Variants in LRBA observed in about 807,000 individuals in gnomAD.
LRBA encodes the protein LPS responsive beige-like anchor protein, also known as lipopolysaccharide-responsive and beige-like anchor protein.
In LRBA, 176 loss-of-function variants were observed where a neutral mutation model predicts 330.0. The ratio of observed to expected loss-of-function variants is 0.53; its 90% CI spans 0.47 to 0.60. The LOEUF is 0.60. Ranked by LOEUF, LRBA falls within the 20% of genes least tolerant of loss-of-function variation. LRBA has a pLI of 0.00. For missense variants in LRBA, 3,259 were observed against 3,444.8 expected (o/e 0.95, Z 1.35); for synonymous variants, 1,230 against 1,193.0 (o/e 1.03, Z -0.64).
intron 49 of LRBA, among the ~76,000 whole-genome samples, chr4:150,324,592 G>A (rs1732989372): frequency 6.6e-6 from 1 of 151,106 alleles, no homozygotes; most frequent in African/African-American, 2.5e-5. Flanking sequence ...AGAAGGTGAT[G>A]TGGGAAGAGA....
intron 36 of LRBA, among the ~76,000 whole-genome samples, chr4:150,701,751 G>C (rs1038353301): frequency 3.9e-5 from 6 of 152,172 alleles, no homozygotes; most frequent in Non-Finnish European, 8.8e-5. Context: ...ACTGGAATGA[G>C]AATTGACATT....
intron 41 of LRBA, among the ~76,000 whole-genome samples, chr4:150,490,145 T>C (rs941537672): frequency 3.3e-5 from 5 of 151,694 alleles, no homozygotes; most frequent in African/African-American, 1.2e-4. Context: ...AAAAATCTTT[T>C]CCTAAAGAAA....
At chr4:150,796,480 T>G (rs1740807968) in intron 34 of LRBA, among the ~76,000 whole-genome samples, 1 of 151,966 alleles carries the variant, frequency 6.6e-6, no homozygotes. Flanking sequence ...TACCCAATAA[T>G]GTATTTTATT....
intron 44 of LRBA, among the ~76,000 whole-genome samples, chr4:150,446,290 G>C (rs1043632325): frequency 6.6e-6 from 1 of 152,146 alleles, no homozygotes; most frequent in African/African-American, 2.4e-5. Flanking sequence ...TATCAAACAA[G>C]GAGATAAAAT....
chr4:150,469,250 A>T (rs1381738949), intron 43 of LRBA, among the ~76,000 whole-genome samples: 2 of 152,160 alleles, frequency 1.3e-5, no homozygotes, highest in African/African-American at 4.8e-5. Flanking sequence ...GAAATGCATC[A>T]TGATATCATG....
chr4:150,800,873 G>A (rs1741514336), intron 33 of LRBA, among the ~76,000 whole-genome samples: 1 of 152,150 alleles, frequency 6.6e-6, no homozygotes, highest in Non-Finnish European at 1.5e-5. Flanking sequence ...CAAGCCAAGA[G>A]TTTTATATCT....
intron 17 of LRBA, among the ~76,000 whole-genome samples, chr4:150,887,784 A>C (rs1729102133): frequency 6.7e-6 from 1 of 149,032 alleles, no homozygotes; most frequent in East Asian, 1.9e-4. Context: ...AAAAAAAAAA[A>C]AAGAAAGAAA....
chr4:150,760,066 T>C (rs1734864467), intron 35 of LRBA, among the ~76,000 whole-genome samples: 1 of 152,166 alleles, frequency 6.6e-6, no homozygotes, highest in Non-Finnish European at 1.5e-5. Flanking sequence ...TTATAAAAAA[T>C]CTGTTCATGG....
At chr4:150,723,224 T>C (rs137991830) in intron 36 of LRBA, among the ~76,000 whole-genome samples, 33 of 152,284 alleles carry the variant, frequency 2.2e-4, no homozygotes, top group African/African-American at 7.7e-4. Context: ...CCAGCTTGCG[T>C]GGCTAAGGAA....
At chr4:150,604,588 A>T (rs1259352938) in intron 37 of LRBA, among the ~76,000 whole-genome samples, 2 of 152,146 alleles carry the variant, frequency 1.3e-5, no homozygotes, top group Non-Finnish European at 2.9e-5. Context: ...ATGTCATGGA[A>T]AAGGCAGATG....
At chr4:150,675,238 T>C (rs1244707003) in intron 37 of LRBA, among the ~76,000 whole-genome samples, 2 of 152,140 alleles carry the variant, frequency 1.3e-5, no homozygotes, top group Non-Finnish European at 2.9e-5. Context: ...ATGATAGTTA[T>C]GAGTACAGGC....
chr4:150,921,373 G>GT (rs1733244295), intron 4 of LRBA, 80 bp from the exon 5 acceptor site: 1 of 822,438 alleles, frequency 1.2e-6, no homozygotes, highest in South Asian at 1.4e-5. Context: ...TAGTCTTGCT[G>GT]TAATATATAC....
intron 35 of LRBA, among the ~76,000 whole-genome samples, chr4:150,750,606 T>A (rs1028639684): frequency 2.6e-5 from 4 of 151,808 alleles, no homozygotes; most frequent in African/African-American, 9.7e-5. Flanking sequence ...TACTACCCAA[T>A]TTTTTTTAAA....
At chr4:150,643,424 C>A (rs1249397876) in intron 37 of LRBA, among the ~76,000 whole-genome samples, 1 of 151,850 alleles carries the variant, frequency 6.6e-6, no homozygotes, top group Non-Finnish European at 1.5e-5. Flanking sequence ...TAAGAAAAGG[C>A]TGACATAGGA....
At chr4:150,987,826 AC>A (rs1741630692) in intron 2 of LRBA, among the ~76,000 whole-genome samples, 1 of 151,740 alleles carries the variant, frequency 6.6e-6, no homozygotes, top group South Asian at 2.1e-4. Context: ...ACATGGGGAA[AC>A]CCTGTCTCTA....
At chr4:150,413,981 T>G (rs964754949) in intron 47 of LRBA, among the ~76,000 whole-genome samples, 2 of 152,050 alleles carry the variant, frequency 1.3e-5, no homozygotes, top group Non-Finnish European at 2.9e-5. Flanking sequence ...AGAAACTTTG[T>G]GAGAATCTTT....
chr4:150,850,467 A>G (rs1750483337), intron 24 of LRBA, among the ~76,000 whole-genome samples: 1 of 152,214 alleles, frequency 6.6e-6, no homozygotes, highest in African/African-American at 2.4e-5. Flanking sequence ...ATTCCGTGCC[A>G]TAAAATTGCT....
At position 150,962,173 on chromosome 4, in the gene LRBA, T is replaced by C. The variant is rs75481317; in HGVS notation, c.217-33108A>G. Among the ~76,000 whole-genome samples, 623 of 149,544 alleles carry C rather than the reference T, an allele frequency of 4.2e-3. 89 individuals are homozygous for C. Among genetic ancestry groups the C allele is most frequent in the African/African-American group, 0.016 (607 of 38,922 alleles). ...TTGGAATTCAATTTTTTTCTACATA[T>C]GTTCAAATGGACATTTGTAGAAAAA... On this transcript the variant is annotated intron_variant, in intron 2 of 56. Coordinates refer to ENST00000651943, the MANE Select transcript of LRBA (RefSeq NM_001364905.1).
chr4:150,480,048 C>T (rs566450352), intron 42 of LRBA, among the ~76,000 whole-genome samples: 7 of 152,290 alleles, frequency 4.6e-5, no homozygotes, highest in Admixed American at 1.3e-4. Context: ...GTAAACTGTA[C>T]GTTTCCACCA....
Sources: allele counts gnomAD v4.1 joint callset (sites outside exome capture counted in the v4.1 genomes callset), GRCh38; gene constraint gnomAD v4.1.1; transcripts MANE v1.5; gene names NCBI Gene and HGNC (gene_info 2026-07-23, HGNC 2026-07-21).